PARP8: variants seen among roughly 807,000 people sequenced by gnomAD.
PARP8 encodes protein mono-ADP-ribosyltransferase PARP8.
A neutral mutation model predicts 124.1 loss-of-function variants in PARP8; 51 were observed. That is an observed-to-expected ratio of 0.41 (90% CI 0.33 to 0.52). PARP8 has a LOEUF of 0.52. Among genes scored for constraint, PARP8 ranks in the 20% least tolerant of loss-of-function variants. The pLI is 0.21. For synonymous variants in PARP8, 391 were observed against 361.5 expected (o/e 1.08, Z -0.93); for missense variants, 860 against 1,018.9 (o/e 0.84, Z 2.12).
chr5:50,685,257 A>C (rs1342066055), intron 2 of PARP8, among the ~76,000 whole-genome samples: 1 of 152,198 alleles, frequency 6.6e-6, no homozygotes, highest in Non-Finnish European at 1.5e-5. Context: ...ATTAAATAAA[A>C]GGGGATTTTC....
intron 2 of PARP8, among the ~76,000 whole-genome samples, chr5:50,711,116 AC>A (rs1290103660): frequency 6.6e-6 from 1 of 152,098 alleles, no homozygotes; most frequent in African/African-American, 2.4e-5. Flanking sequence ...CCTCTGATAA[AC>A]ACAATTATGT....
intron 15 of PARP8, among the ~76,000 whole-genome samples, 161 bp from the exon 16 acceptor site, chr5:50,821,052 G>C (rs555347631): frequency 1.3e-5 from 2 of 152,306 alleles, no homozygotes; most frequent in Admixed American, 1.3e-4. Flanking sequence ...TGATGGTAAA[G>C]TTTGGTCAAA....
intron 2 of PARP8, among the ~76,000 whole-genome samples, chr5:50,686,774 C>T (rs1489140463): frequency 1.3e-5 from 2 of 152,198 alleles, no homozygotes; most frequent in Non-Finnish European, 2.9e-5. Flanking sequence ...AGCTTCCACC[C>T]TCTGAAGCAA....
chr5:50,766,848 T>A (rs2057984419), intron 7 of PARP8, among the ~76,000 whole-genome samples: 1 of 152,108 alleles, frequency 6.6e-6, no homozygotes, highest in Admixed American at 6.6e-5. Context: ...AACATGTATC[T>A]CCTTTAAAAA....
rs75351040 is a variant in PARP8 at position 50,707,207 on chromosome 5, C to T, written c.146+39082C>T. Among the ~76,000 whole-genome samples, 967 of 152,076 alleles carry T rather than the reference C, an allele frequency of 6.4e-3. 32 individuals are homozygous for T. Among genetic ancestry groups the T allele is most frequent in the Admixed American group, 0.047 (721 of 15,264 alleles). The stretch of plus-strand genomic sequence containing the variant: ...AATTGTTGTTTATATATAATGTAAG[C>T]ACAATTCTTTAGATACAGTATATAA... On this transcript the variant is annotated intron_variant, in intron 2 of 25. Coordinates refer to ENST00000281631, the MANE Select transcript of PARP8 (RefSeq NM_024615.4).
At chr5:50,774,219 G>T (rs954604706) in intron 7 of PARP8, among the ~76,000 whole-genome samples, 1 of 152,126 alleles carries the variant, frequency 6.6e-6, no homozygotes, top group African/African-American at 2.4e-5. Flanking sequence ...ACAAAATGGA[G>T]TCTCGTATGT....
intron 2 of PARP8, among the ~76,000 whole-genome samples, chr5:50,697,619 C>T (rs1278046804): frequency 6.6e-6 from 1 of 152,168 alleles, no homozygotes; most frequent in Non-Finnish European, 1.5e-5. Flanking sequence ...AAGCAATCCT[C>T]CTGCCTTAGC....
intron 5 of PARP8, among the ~76,000 whole-genome samples, chr5:50,760,751 TG>T (rs1447910241): frequency 6.6e-6 from 1 of 152,100 alleles, no homozygotes; most frequent in African/African-American, 2.4e-5. Context: ...AAAGTAACAC[TG>T]AGGTTGTACA....
chr5:50,778,487 A>C (rs1740287559), intron 8 of PARP8, 73 bp from the exon 9 acceptor site: 2 of 1,324,864 alleles, frequency 1.5e-6, no homozygotes, highest in African/African-American at 3.0e-5. Flanking sequence ...CAAGTTTTAA[A>C]AGTTTGTGTG....
chr5:50,708,974 CA>C (rs1561272960), intron 2 of PARP8, among the ~76,000 whole-genome samples: 1 of 151,412 alleles, frequency 6.6e-6, no homozygotes, highest in African/African-American at 2.4e-5. Flanking sequence ...TTTGTAGAGA[CA>C]GGGGTCTCAA....
At chr5:50,739,728 ATATATTTTTTTTT>A (rs1222620162) in intron 2 of PARP8, among the ~76,000 whole-genome samples, 7 of 59,348 alleles carry the variant, frequency 1.2e-4, no homozygotes, top group African/African-American at 3.4e-4. Context: ...ATATATATAT[ATATATTTTTTTTT>A]TTTTTTTTTT....
intron 3 of PARP8, chr5:50,757,267 TAA>T: frequency 2.6e-6 from 1 of 391,664 alleles, no homozygotes; most frequent in Non-Finnish European, 5.1e-6. Context: ...GACTGAATCA[TAA>T]AAAAAAACAG....
At chr5:50,703,063 G>A (rs1471747690) in intron 2 of PARP8, among the ~76,000 whole-genome samples, 1 of 152,124 alleles carries the variant, frequency 6.6e-6, no homozygotes, top group Non-Finnish European at 1.5e-5. Flanking sequence ...CACTTTGGGA[G>A]GCTGAGGCGG....
intron 2 of PARP8, among the ~76,000 whole-genome samples, chr5:50,701,624 G>A (rs1472626379): frequency 1.3e-5 from 2 of 152,014 alleles, no homozygotes; most frequent in Non-Finnish European, 2.9e-5. Context: ...TTAAAATCTG[G>A]AAAATTCATG....
intron 15 of PARP8, among the ~76,000 whole-genome samples, chr5:50,820,540 A>T (rs1353179803): frequency 1.3e-5 from 2 of 152,222 alleles, no homozygotes; most frequent in Admixed American, 1.3e-4. Context: ...GAATAAAGCC[A>T]TTGTCTTTAG....
intron 14 of PARP8, among the ~76,000 whole-genome samples, chr5:50,814,264 A>G (rs2149687693): frequency 6.6e-6 from 1 of 152,282 alleles, no homozygotes; most frequent in East Asian, 1.9e-4. Flanking sequence ...AATTTAGGGT[A>G]AAGCATATAA....
At chr5:50,721,335 G>A (rs1232620681) in intron 2 of PARP8, among the ~76,000 whole-genome samples, 1 of 152,028 alleles carries the variant, frequency 6.6e-6, no homozygotes, top group Non-Finnish European at 1.5e-5. Flanking sequence ...CATCACCCCA[G>A]GTAGAGTTTG....
intron 2 of PARP8, among the ~76,000 whole-genome samples, chr5:50,740,084 G>A (rs940561711): frequency 2.0e-5 from 3 of 152,010 alleles, no homozygotes; most frequent in African/African-American, 4.8e-5. Flanking sequence ...TTCATTCTAC[G>A]TATATTTATA....
At chr5:50,740,041 G>T (rs529208212) in intron 2 of PARP8, among the ~76,000 whole-genome samples, 2 of 151,966 alleles carry the variant, frequency 1.3e-5, no homozygotes, top group Non-Finnish European at 2.9e-5. Flanking sequence ...GAGCTACTGC[G>T]CCCGGCCTGG....
Sources: allele counts gnomAD v4.1 joint callset (sites outside exome capture counted in the v4.1 genomes callset), GRCh38; gene constraint gnomAD v4.1.1; transcripts MANE v1.5; gene names NCBI Gene and HGNC (gene_info 2026-07-23, HGNC 2026-07-21).